CYRIA: variants seen among roughly 807,000 people sequenced by gnomAD.
CYRIA encodes the protein CYFIP related Rac1 interactor A, also known as CYFIP-related Rac1 interactor A.
In CYRIA, 15 loss-of-function variants were observed where a neutral mutation model predicts 43.9. The ratio of observed to expected loss-of-function variants is 0.34; its 90% CI spans 0.23 to 0.53. CYRIA has a LOEUF of 0.53. CYRIA is among the 20% of genes least tolerant of loss of function. CYRIA has a pLI of 0.94. For missense variants in CYRIA, 236 were observed against 394.2 expected (o/e 0.60, Z 3.40); for synonymous variants, 117 against 136.0 (o/e 0.86, Z 0.97).
chr2:16,638,584 G>A (rs1031361633), intron 1 of CYRIA, among the ~76,000 whole-genome samples: 1 of 152,164 alleles, frequency 6.6e-6, no homozygotes, highest in Non-Finnish European at 1.5e-5. Flanking sequence ...AAGGGGTGTG[G>A]CTGGAGCATA....
At chr2:16,608,184 GCAA>G (rs1257948180) in intron 2 of CYRIA, among the ~76,000 whole-genome samples, 1 of 152,160 alleles carries the variant, frequency 6.6e-6, no homozygotes, top group African/African-American at 2.4e-5. Context: ...TCACTACCCA[GCAA>G]CAACAACAAA....
Position 16,552,866 on chromosome 2 carries a change from CTGTATTAAATTA to C in CYRIA, c.*58_*69del, listed in dbSNP as rs1666362877. On this transcript the variant is annotated 3_prime_UTR_variant, in exon 12 of 12. Transcript: ENST00000381323. ...TAAATACACAAGTATTAACATCAAT[CTGTATTAAATTA>C]TGTAAACATATACATCTTCTGAGGT... is the stretch of plus-strand genomic sequence containing the variant. The C allele has an allele frequency of 1.0e-6, 1 of 961,512 alleles. No individual in the cohort carries two copies. Among genetic ancestry groups the C allele is most frequent in the Non-Finnish European group, 1.7e-6 (1 of 589,654 alleles). The allele number at this position is 961,512 out of a possible 1,614,324, so 59.6% of individuals were successfully genotyped here.
intron 3 of CYRIA, among the ~76,000 whole-genome samples, chr2:16,584,698 A>C (rs935884339): frequency 6.6e-6 from 1 of 152,132 alleles, no homozygotes; most frequent in African/African-American, 2.4e-5. Flanking sequence ...TGTTTCATCT[A>C]AATCGGACCT....
chr2:16,654,471 T>C (rs1278673274), intron 1 of CYRIA, among the ~76,000 whole-genome samples: 1 of 152,158 alleles, frequency 6.6e-6, no homozygotes, highest in Admixed American at 6.5e-5. Context: ...ACTCCAGTCA[T>C]GGCAGGAAAA....
intron 1 of CYRIA, among the ~76,000 whole-genome samples, chr2:16,639,354 T>C (rs541076938): frequency 6.6e-6 from 1 of 152,354 alleles, no homozygotes; most frequent in Non-Finnish European, 1.5e-5. Context: ...GAATAATAAA[T>C]AGATAGGCAA....
intron 3 of CYRIA, among the ~76,000 whole-genome samples, chr2:16,582,142 C>A (rs1026305362): frequency 2.0e-5 from 3 of 152,026 alleles, no homozygotes; most frequent in Admixed American, 6.6e-5. Flanking sequence ...TTTGTCAAAA[C>A]CAACTAAAAT....
At chr2:16,572,732 C>T (rs549061451) in intron 3 of CYRIA, among the ~76,000 whole-genome samples, 48 of 152,164 alleles carry the variant, frequency 3.2e-4, no homozygotes, top group Non-Finnish European at 6.3e-4. Flanking sequence ...CCCCAGCCCC[C>T]ACCACATCCA....
intron 1 of CYRIA, among the ~76,000 whole-genome samples, chr2:16,634,625 G>A (rs923756017): frequency 2.1e-4 from 32 of 152,026 alleles, no homozygotes; most frequent in Non-Finnish European, 3.8e-4. Flanking sequence ...CTTACCAGGT[G>A]ACTGCTTTCC....
intron 1 of CYRIA, among the ~76,000 whole-genome samples, chr2:16,663,622 C>T (rs929843594): frequency 3.3e-5 from 5 of 151,732 alleles, no homozygotes; most frequent in Non-Finnish European, 5.9e-5. Context: ...TATCTAGTTG[C>T]ATCTAGGCCT....
chr2:16,613,611 A>G (rs1187084975), intron 2 of CYRIA, among the ~76,000 whole-genome samples: 1 of 150,270 alleles, frequency 6.7e-6, no homozygotes, highest in African/African-American at 2.5e-5. Context: ...GGGCAAATGC[A>G]AGAGCTTGCA....
intron 1 of CYRIA, among the ~76,000 whole-genome samples, chr2:16,643,681 A>G (rs1390265695): frequency 3.9e-5 from 6 of 152,248 alleles, no homozygotes; most frequent in African/African-American, 1.4e-4. Context: ...ACAATCAGAC[A>G]CTCTGCAGGC....
At chr2:16,612,773 AT>A (rs1668650281) in intron 2 of CYRIA, among the ~76,000 whole-genome samples, 1 of 152,228 alleles carries the variant, frequency 6.6e-6, no homozygotes, top group Non-Finnish European at 1.5e-5. Context: ...GTGGATGCTC[AT>A]TTTATGGAAC....
chr2:16,651,522 C>T (rs1044339247), intron 1 of CYRIA, among the ~76,000 whole-genome samples: 5 of 152,176 alleles, frequency 3.3e-5, no homozygotes, highest in Non-Finnish European at 7.3e-5. Context: ...ATCCTTCATC[C>T]AAAACCTCTC....
intron 3 of CYRIA, among the ~76,000 whole-genome samples, chr2:16,577,417 G>A (rs188243522): frequency 8.6e-5 from 13 of 151,924 alleles, no homozygotes; most frequent in African/African-American, 1.9e-4. Flanking sequence ...AGAATATTGC[G>A]CTCACCCTAA....
At chr2:16,626,021 C>G (rs1242006899) in intron 1 of CYRIA, among the ~76,000 whole-genome samples, 1 of 152,114 alleles carries the variant, frequency 6.6e-6, no homozygotes, top group Admixed American at 6.5e-5. Context: ...GCTTGTCTTC[C>G]TGTCCATTTT....
chr2:16,633,849 T>C (rs757776907), intron 1 of CYRIA, among the ~76,000 whole-genome samples: 29 of 152,102 alleles, frequency 1.9e-4, no homozygotes, highest in Non-Finnish European at 4.0e-4. Flanking sequence ...CATGATAAAG[T>C]CCAAATGCCC....
chr2:16,601,071 C>T (rs1244245712), intron 2 of CYRIA, among the ~76,000 whole-genome samples: 1 of 152,104 alleles, frequency 6.6e-6, no homozygotes, highest in African/African-American at 2.4e-5. Context: ...TGAACACGCT[C>T]ATTTTTTCTG....
At chr2:16,613,697 C>T (rs1473172074) in intron 2 of CYRIA, among the ~76,000 whole-genome samples, 2 of 152,208 alleles carry the variant, frequency 1.3e-5, no homozygotes, top group African/African-American at 4.8e-5. Context: ...AGGTACCGAA[C>T]ACAAATGCAG....
chr2:16,580,626 G>C (rs1368805997), intron 3 of CYRIA, among the ~76,000 whole-genome samples: 1 of 152,114 alleles, frequency 6.6e-6, no homozygotes, highest in Non-Finnish European at 1.5e-5. Context: ...ATTTTTTATT[G>C]TAGAAACTAA....
Sources: gnomAD v4.1 joint callset for allele counts (sites outside exome capture counted in the v4.1 genomes callset) on GRCh38, gnomAD v4.1.1 for gene constraint, MANE v1.5 for transcripts, NCBI Gene and HGNC (gene_info 2026-07-23, HGNC 2026-07-21) for gene names.